TENM4: variants seen among roughly 807,000 people sequenced by gnomAD.
TENM4 encodes teneurin transmembrane protein 4, also known as teneurin-4.
TENM4 carries 82 observed loss-of-function variants against 243.3 expected under a neutral mutation model. The ratio of observed to expected loss-of-function variants is 0.34; its 90% CI spans 0.28 to 0.40. The LOEUF (loss-of-function observed/expected upper bound fraction) is 0.40. Ranked by LOEUF, TENM4 falls within the 10% of genes least tolerant of loss-of-function variation. TENM4 has a pLI of 1.00. For missense variants in TENM4, 3,138 were observed against 3,673.3 expected (o/e 0.85, Z 3.77); for synonymous variants, 1,412 against 1,456.3 (o/e 0.97, Z 0.69).
rs956157932 is a variant in TENM4, at chr11:79,399,344, T to C, written c.-321+41165A>G. Among the ~76,000 whole-genome samples the C allele has an allele frequency of 2.0e-5, 3 of 152,224 alleles. No individual in the cohort carries two copies. The South Asian group carries it at 6.2e-4, about 32-fold the overall frequency. ...GTTTCCCATATTTACATGGGTATTT[T>C]CTTCTTATTTGAAATGCTTATGGAC... is the stretch of plus-strand genomic sequence containing the variant. On this transcript the variant is annotated intron_variant, in intron 1 of 33. Transcript: ENST00000278550.
intron 1 of TENM4, among the ~76,000 whole-genome samples, chr11:79,301,242 C>T (rs1228683208): frequency 2.0e-5 from 3 of 152,322 alleles, no homozygotes; most frequent in African/African-American, 7.2e-5. Flanking sequence ...TTCATGTGTT[C>T]CTTTTCCTCA....
intron 11 of TENM4, among the ~76,000 whole-genome samples, 166 bp from the exon 12 acceptor site, chr11:78,854,480 C>G (rs1443424367): frequency 6.6e-6 from 1 of 152,202 alleles, no homozygotes; most frequent in East Asian, 1.9e-4. Context: ...CAACTCTTCC[C>G]CAGACCCATT....
intron 6 of TENM4, among the ~76,000 whole-genome samples, chr11:78,905,605 C>A (rs909629834): frequency 6.6e-6 from 1 of 152,216 alleles, no homozygotes; most frequent in Non-Finnish European, 1.5e-5. Context: ...TCCTCCGAGG[C>A]CAGGAGATGT....
At chr11:79,338,418 C>T (rs1014733419) in intron 1 of TENM4, among the ~76,000 whole-genome samples, 1 of 152,200 alleles carries the variant, frequency 6.6e-6, no homozygotes, top group African/African-American at 2.4e-5. Flanking sequence ...ATCCTTGAAA[C>T]GGGATGGCCC....
chr11:78,663,530 C>T lies in TENM4; in HGVS notation c.7409-1939G>A, dbSNP rs1294119279. Among the ~76,000 whole-genome samples, 4 of 152,206 alleles carry T rather than the reference C, an allele frequency of 2.6e-5. No individual in the cohort carries two copies. The East Asian group carries it at 7.7e-4, about 29-fold the overall frequency. On this transcript the variant is annotated intron_variant, in intron 32 of 33. Coordinates refer to ENST00000278550, the MANE Select transcript of TENM4 (RefSeq NM_001098816.3). ...GCTGGCTGTTTAAAAGCGTGTGGCA[C>T]CCCTCCCTTCTCTCTTGCTACCTCT...
chr11:79,357,403 C>T (rs1407018810), intron 1 of TENM4, among the ~76,000 whole-genome samples: 1 of 152,214 alleles, frequency 6.6e-6, no homozygotes, highest in Admixed American at 6.5e-5. Flanking sequence ...GTTTGTAAAA[C>T]CTAACCTGGG....
At chr11:79,150,462 C>T (rs1220900883) in intron 3 of TENM4, among the ~76,000 whole-genome samples, 1 of 152,170 alleles carries the variant, frequency 6.6e-6, no homozygotes, top group East Asian at 1.9e-4. Flanking sequence ...ACCTTGTCCC[C>T]TGTCCTGCCC....
intron 3 of TENM4, among the ~76,000 whole-genome samples, chr11:79,173,554 A>C (rs1863095459): frequency 6.6e-6 from 1 of 152,138 alleles, no homozygotes; most frequent in South Asian, 2.1e-4. Context: ...TAAATTATTC[A>C]TTATCAATAA....
chr11:79,412,504 C>T (rs961429352), intron 1 of TENM4, among the ~76,000 whole-genome samples: 1 of 152,208 alleles, frequency 6.6e-6, no homozygotes, highest in African/African-American at 2.4e-5. Context: ...AGTCCCAGCT[C>T]CAACTTACTA....
chr11:79,218,564 T>C (rs1302459679), intron 2 of TENM4, among the ~76,000 whole-genome samples: 1 of 152,208 alleles, frequency 6.6e-6, no homozygotes, highest in Admixed American at 6.5e-5. Context: ...GCTTGTGACT[T>C]GGCTTCTCAC....
intron 4 of TENM4, among the ~76,000 whole-genome samples, chr11:79,138,045 C>A (rs1430072157): frequency 6.6e-6 from 1 of 151,682 alleles, no homozygotes; most frequent in South Asian, 2.1e-4. Flanking sequence ...CTGGGAAAAG[C>A]AGACCCACAC....
At chr11:79,175,928 T>C (rs1326129433) in intron 3 of TENM4, among the ~76,000 whole-genome samples, 1 of 151,786 alleles carries the variant, frequency 6.6e-6, no homozygotes, top group Non-Finnish European at 1.5e-5. Context: ...CTGCAAAAAA[T>C]TAAAAAATTT....
intron 1 of TENM4, among the ~76,000 whole-genome samples, chr11:79,342,509 G>A (rs915141785): frequency 6.6e-6 from 1 of 152,146 alleles, no homozygotes; most frequent in Non-Finnish European, 1.5e-5. Context: ...GGAACTGCGT[G>A]GCCTCCCTCT....
intron 1 of TENM4, among the ~76,000 whole-genome samples, chr11:79,322,435 C>T (rs1022234028): frequency 2.0e-5 from 3 of 152,160 alleles, no homozygotes; most frequent in Non-Finnish European, 2.9e-5. Flanking sequence ...TGCTCCTACC[C>T]GTTGAGGCTG....
intron 3 of TENM4, among the ~76,000 whole-genome samples, chr11:79,213,579 A>C (rs1447673147): frequency 6.6e-6 from 1 of 152,168 alleles, no homozygotes. Context: ...CCTCCAATTT[A>C]GATGAGTTTG....
chr11:79,141,548 A>T (rs1160201771), intron 4 of TENM4, among the ~76,000 whole-genome samples: 2 of 152,078 alleles, frequency 1.3e-5, no homozygotes, highest in East Asian at 3.9e-4. Context: ...TCACTGCTGA[A>T]TTTCACCAAA....
At chr11:78,754,703 A>G (rs1856265884) in intron 19 of TENM4, among the ~76,000 whole-genome samples, 1 of 152,176 alleles carries the variant, frequency 6.6e-6, no homozygotes, top group Admixed American at 6.5e-5. Flanking sequence ...CCACCCAGAG[A>G]CAGAAGCAGC....
chr11:79,129,206 AG>A (rs1434996126), intron 4 of TENM4, among the ~76,000 whole-genome samples: 8 of 151,470 alleles, frequency 5.3e-5, no homozygotes, highest in Non-Finnish European at 8.8e-5. Flanking sequence ...AGCAGCAGAA[AG>A]GCCCTGGGAG....
At chr11:78,973,452 C>T (rs1022465269) in intron 6 of TENM4, among the ~76,000 whole-genome samples, 1 of 152,182 alleles carries the variant, frequency 6.6e-6, no homozygotes, top group African/African-American at 2.4e-5. Flanking sequence ...TTTTCATGTC[C>T]TTATTTGCCA....
Sources: gnomAD v4.1 joint callset for allele counts (sites outside exome capture counted in the v4.1 genomes callset) on GRCh38, gnomAD v4.1.1 for gene constraint, MANE v1.5 for transcripts, NCBI Gene and HGNC (gene_info 2026-07-23, HGNC 2026-07-21) for gene names.